SHISA9: variants seen among roughly 807,000 people sequenced by gnomAD.
SHISA9 encodes the protein protein shisa-9.
SHISA9 carries 13 observed loss-of-function variants against 38.0 expected under a neutral mutation model. The ratio of observed to expected loss-of-function variants is 0.34; its 90% CI spans 0.22 to 0.54. SHISA9 has a LOEUF of 0.54. Among genes scored for constraint, SHISA9 ranks in the 20% least tolerant of loss-of-function variants. The pLI, the probability that SHISA9 is intolerant of heterozygous loss-of-function variation, is 0.91. For missense variants in SHISA9, 538 were observed against 575.8 expected (o/e 0.93, Z 0.67); for synonymous variants, 275 against 242.0 (o/e 1.14, Z -1.27).
chr16:13,361,998 T>G, the SHISA9 span, among the ~76,000 whole-genome samples: 3 of 152,122 alleles, frequency 2.0e-5, no homozygotes, highest in Non-Finnish European at 4.4e-5. Flanking sequence ...CATCACACAC[T>G]AGTTATGTGA....
the SHISA9 span, among the ~76,000 whole-genome samples, chr16:13,531,684 G>A: frequency 1.3e-5 from 2 of 152,220 alleles, no homozygotes; most frequent in East Asian, 3.9e-4. Flanking sequence ...AGAGGGGACT[G>A]ATTTTGAAGT....
At chr16:12,985,892 G>C (rs200568860) in intron 2 of SHISA9, among the ~76,000 whole-genome samples, 2 of 152,120 alleles carry the variant, frequency 1.3e-5, no homozygotes, top group East Asian at 3.9e-4. Flanking sequence ...CTGCTTCCAG[G>C]ACAACTCTGA....
the SHISA9 span, among the ~76,000 whole-genome samples, chr16:13,465,125 G>C: frequency 6.6e-6 from 1 of 152,304 alleles, no homozygotes; most frequent in African/African-American, 2.4e-5. Flanking sequence ...TAGGGGGCTG[G>C]GTAGGTGGAG....
chr16:13,457,516 C>T, the SHISA9 span, among the ~76,000 whole-genome samples: 48 of 151,950 alleles, frequency 3.2e-4, 1 homozygote, highest in African/African-American at 1.2e-3. Context: ...ATCCCACACA[C>T]ACTTGCAGCT....
At chr16:13,492,143 G>A in the SHISA9 span, among the ~76,000 whole-genome samples, 3 of 151,996 alleles carry the variant, frequency 2.0e-5, no homozygotes, top group South Asian at 2.1e-4. Context: ...TCTCTGTTCC[G>A]GTGTCACCAT....
the SHISA9 span, among the ~76,000 whole-genome samples, chr16:13,279,846 A>G: frequency 6.6e-6 from 1 of 151,908 alleles, no homozygotes; most frequent in Non-Finnish European, 1.5e-5. Flanking sequence ...CTGTTTTAGT[A>G]TTATGTAATG....
At chr16:13,460,373 T>A in the SHISA9 span, among the ~76,000 whole-genome samples, 1 of 152,198 alleles carries the variant, frequency 6.6e-6, no homozygotes, top group Non-Finnish European at 1.5e-5. Flanking sequence ...GGAAACTTTA[T>A]GCTCATTTCT....
intron 2 of SHISA9, among the ~76,000 whole-genome samples, chr16:13,084,916 A>G (rs568959075): frequency 1.3e-5 from 2 of 152,200 alleles, no homozygotes; most frequent in African/African-American, 4.8e-5. Context: ...TTTGAGGCCA[A>G]TTTATTTGAG....
intron 2 of SHISA9, among the ~76,000 whole-genome samples, chr16:12,993,561 C>G (rs2072417288): frequency 6.6e-6 from 1 of 152,162 alleles, no homozygotes; most frequent in Non-Finnish European, 1.5e-5. Flanking sequence ...TGTTCAACAA[C>G]CAATTACTGA....
intron 4 of SHISA9, among the ~76,000 whole-genome samples, chr16:13,225,907 TTTC>T (rs1393205760): frequency 5.9e-5 from 9 of 152,174 alleles, no homozygotes; most frequent in African/African-American, 9.7e-5. Flanking sequence ...CACCTTTTCC[TTTC>T]TTCTTCTTCT....
chr16:13,079,946 C>CAGA (rs2073628372), intron 2 of SHISA9, among the ~76,000 whole-genome samples: 1 of 152,144 alleles, frequency 6.6e-6, no homozygotes, highest in African/African-American at 2.4e-5. Flanking sequence ...ATGCAAGCAG[C>CAGA]AGAAACCAAC....
intron 2 of SHISA9, among the ~76,000 whole-genome samples, chr16:12,993,393 A>G (rs1402918929): frequency 6.6e-6 from 1 of 152,168 alleles, no homozygotes; most frequent in Admixed American, 6.5e-5. Context: ...TATCTGGTCT[A>G]TCTGGTCTCG....
At chr16:13,465,764 C>T in the SHISA9 span, among the ~76,000 whole-genome samples, 46 of 152,340 alleles carry the variant, frequency 3.0e-4, no homozygotes, top group African/African-American at 1.1e-3. Flanking sequence ...CTCTACCTCT[C>T]CAGAAAGAAA....
At chr16:12,963,637 C>G (rs966013786) in intron 2 of SHISA9, among the ~76,000 whole-genome samples, 1 of 152,158 alleles carries the variant, frequency 6.6e-6, no homozygotes, top group African/African-American at 2.4e-5. Flanking sequence ...ACTATTAGTT[C>G]TCCCATTTTG....
chr16:12,961,455 C>T (rs996793119), intron 2 of SHISA9, among the ~76,000 whole-genome samples: 3 of 152,112 alleles, frequency 2.0e-5, no homozygotes, highest in African/African-American at 4.8e-5. Context: ...GAAGTGGAGG[C>T]GGTTCCATCA....
intron 2 of SHISA9, among the ~76,000 whole-genome samples, chr16:13,178,071 A>G (rs1246056825): frequency 6.6e-6 from 1 of 152,200 alleles, no homozygotes; most frequent in Admixed American, 6.5e-5. Flanking sequence ...ACGAGTGAAT[A>G]ATCACATCGA....
At chr16:13,408,441 A>G in the SHISA9 span, among the ~76,000 whole-genome samples, 3 of 152,334 alleles carry the variant, frequency 2.0e-5, no homozygotes, top group South Asian at 6.2e-4. Flanking sequence ...TTATTCAGGC[A>G]GGATGGTCTG....
At chr16:12,987,876 G>A (rs1471214333) in intron 2 of SHISA9, among the ~76,000 whole-genome samples, 1 of 152,174 alleles carries the variant, frequency 6.6e-6, no homozygotes, top group Non-Finnish European at 1.5e-5. Context: ...CGGCAATGGA[G>A]GCTTCCATCC....
intron 2 of SHISA9, among the ~76,000 whole-genome samples, chr16:12,977,917 G>C (rs1361011314): frequency 6.6e-6 from 1 of 152,002 alleles, no homozygotes; most frequent in Non-Finnish European, 1.5e-5. Context: ...AAACCACCAT[G>C]ACACACATTC....
Sources: gnomAD v4.1 joint callset for allele counts (sites outside exome capture counted in the v4.1 genomes callset) on GRCh38, gnomAD v4.1.1 for gene constraint, MANE v1.5 for transcripts, NCBI Gene and HGNC (gene_info 2026-07-23, HGNC 2026-07-21) for gene names.